The following RGMB variants were observed in gnomAD, a reference collection of about 807,000 sequenced individuals.
RGMB encodes the protein repulsive guidance molecule BMP co-receptor b, also known as repulsive guidance molecule B.
RGMB carries 16 observed loss-of-function variants against 26.9 expected under a neutral mutation model. The ratio of observed to expected loss-of-function variants is 0.60; its 90% confidence interval spans 0.40 to 0.90. RGMB has a LOEUF of 0.90. Ranked by LOEUF, RGMB falls within the 40% of genes least tolerant of loss-of-function variation. The pLI, the probability that RGMB is intolerant of heterozygous loss-of-function variation, is 0.00. For synonymous variants in RGMB, 225 were observed against 229.3 expected, an observed-to-expected ratio of 0.98 and a Z score of 0.17; for missense variants, 512 against 573.3, an observed-to-expected ratio of 0.89 and a Z score of 1.09.
rs1356065266 is a variant in RGMB at position 98,773,955 on chromosome 5, G to A, written c.-116G>A. The A allele has an allele frequency of 1.6e-6, 1 of 620,974 alleles. No homozygotes were observed. The highest frequency in any genetic ancestry group is 2.8e-5 in the Admixed American group (1 of 36,330). 38.5% of individuals were successfully genotyped at this position (620,974 alleles called of 1,614,324 possible). On this transcript the variant is annotated 5_prime_UTR_variant, in exon 1 of 3. Coordinates refer to ENST00000513185, the MANE Select transcript of RGMB (RefSeq NM_001366508.1). ...CCATCTGCTACACGGGCCTGAAGAA[G>A]GAAGAAGAGGAAGCGAAGCGCGCCC...
rs547693057 is a variant in RGMB, at chr5:98,774,170, C to T, written c.100C>T (p.Leu34=). 6.7e-7 allele frequency: 1 copy of T among 1,499,544 alleles called. No individual in the cohort carries two copies. The highest frequency in any genetic ancestry group is 8.8e-7 in the Non-Finnish European group (1 of 1,131,752). 92.9% of individuals were successfully genotyped at this position (1,499,544 alleles called of 1,614,324 possible). A position where few individuals can be genotyped will look rare whatever the true frequency, so the allele number is the denominator to read the frequency against. The change falls in exon 1 of 3, where the codon CTG becomes TTG. Residue 34 remains leucine (L), a synonymous_variant. Coordinates refer to ENST00000513185, the MANE Select transcript of RGMB (RefSeq NM_001366508.1). The part of the protein sequence containing the change: ...GLCPPPLELL[L]LLLFSLGLLH... ...CTGCCCCCCGCCGCTGGAGCTGCTGCTGCTGCTGCTGTTCAGCCTCGGGCT... is the reference window on the plus strand; with the variant it reads ...CTGCCCCCCGCCGCTGGAGCTGCTGTTGCTGCTGCTGTTCAGCCTCGGGCT...
rs960999489 is a variant in RGMB, at chr5:98,796,343, C to CCG, written c.*2591_*2592insGC. 7.1e-5 allele frequency: 10 copies of CCG among 141,726 alleles called. No homozygotes were observed. Among genetic ancestry groups the CCG allele is most frequent in the South Asian group, 4.6e-4 (2 of 4,310 alleles). 8.8% of individuals were successfully genotyped at this position (141,726 alleles called of 1,614,324 possible). On this transcript the variant is annotated 3_prime_UTR_variant, in exon 3 of 3. Coordinates refer to ENST00000513185, the MANE Select transcript of RGMB (RefSeq NM_001366508.1). ...TTTGTTATGCTTGGAAGCTCCCCCC[C>CCG]CCCCAACAGTGTGTCGAGTCTTTGC...
upstream of RGMB, among the ~76,000 whole-genome samples, chr5:98,772,432 T>C (rs1746196951): frequency 6.6e-6 from 1 of 152,228 alleles, no homozygotes; most frequent in Non-Finnish European, 1.5e-5. Flanking sequence ...AGCATGTCCG[T>C]GGTTGATAAG....
intron 1 of RGMB, among the ~76,000 whole-genome samples, chr5:98,777,323 G>C (rs1365662952): frequency 2.0e-5 from 3 of 152,178 alleles, no homozygotes; most frequent in African/African-American, 7.2e-5. Context: ...GGAAGTTCTT[G>C]TGCTGTCATT....
chr5:98,781,382 C>T (rs1435129688), intron 2 of RGMB, among the ~76,000 whole-genome samples: 1 of 152,198 alleles, frequency 6.6e-6, no homozygotes, highest in Non-Finnish European at 1.5e-5. Flanking sequence ...TACCAAATTC[C>T]ATATCTCAAA....
chr5:98,783,716 G>GC (rs1167256250), intron 2 of RGMB, among the ~76,000 whole-genome samples: 3 of 152,168 alleles, frequency 2.0e-5, no homozygotes, highest in Non-Finnish European at 4.4e-5. Context: ...GAAAGATTCT[G>GC]CACTTTGCAA....
chr5:98,774,194 C>T lies in RGMB; in HGVS notation c.124C>T (p.Leu42=). ...LLLLLLFSLG[L]LHAGDCQQPA... ...GCTGCTGCTGCTGTTCAGCCTCGGG[C>T]TGCTCCACGCAGGTAGGACGGGAGC... The change falls in exon 1 of 3, where the codon CTG becomes TTG. Residue 42 remains leucine, a synonymous_variant. Transcript: ENST00000513185. 1 of 1,482,668 alleles carries T rather than the reference C, an allele frequency of 6.7e-7. No individual in the cohort carries two copies. The highest frequency in any genetic ancestry group is 8.9e-7 in the Non-Finnish European group (1 of 1,124,784). The allele number at this position is 1,482,668 out of a possible 1,614,324, so 91.8% of individuals were successfully genotyped here. A position where few individuals can be genotyped will look rare whatever the true frequency, so the allele number is the denominator to read the frequency against.
chr5:98,773,542 A>C (rs1746249054), upstream of RGMB: 2 of 178,088 alleles, frequency 1.1e-5, no homozygotes, highest in East Asian at 1.5e-4. Flanking sequence ...ACGTGCGGTC[A>C]CAACCAATGG....
At position 98,774,704 on chromosome 5, in the gene RGMB, C is replaced by T. The variant is rs529572487; in HGVS notation, c.136+498C>T. On this transcript the variant is annotated intron_variant, in intron 1 of 2. Transcript: ENST00000513185. The stretch of plus-strand genomic sequence containing the variant: ...AAAGATTTTTACCAGATTTTGCAAA[C>T]CTGGGAGTTAATCTCGAAGTAACGT... 2.0e-5 allele frequency among the ~76,000 whole-genome samples: 3 copies of T among 152,294 alleles called. No homozygotes were observed. In the South Asian group the frequency reaches 6.2e-4, roughly 32 times the overall value.
upstream of RGMB, chr5:98,771,660 T>A (rs73151452): frequency 6.6e-6 from 1 of 152,214 alleles, no homozygotes; most frequent in Non-Finnish European, 1.5e-5. Flanking sequence ...AAGCACCTTA[T>A]AGAGATGAAG....
chr5:98,784,873 AGG>A (rs1319904591), intron 2 of RGMB, among the ~76,000 whole-genome samples: 1 of 152,166 alleles, frequency 6.6e-6, no homozygotes, highest in Non-Finnish European at 1.5e-5. Flanking sequence ...TGTTATAAAG[AGG>A]GGGACGCATG....
chr5:98,790,664 G>C (rs1194718371), intron 2 of RGMB, among the ~76,000 whole-genome samples: 1 of 152,122 alleles, frequency 6.6e-6, no homozygotes, highest in African/African-American at 2.4e-5. Context: ...TTGGAAACTT[G>C]TTTGGAATCG....
At chr5:98,775,833 A>G (rs537118375) in intron 1 of RGMB, among the ~76,000 whole-genome samples, 14 of 152,368 alleles carry the variant, frequency 9.2e-5, no homozygotes, top group African/African-American at 3.1e-4. Context: ...AGCGATTTCT[A>G]TGGACAACTT....
intron 2 of RGMB, among the ~76,000 whole-genome samples, chr5:98,784,309 C>A (rs1746703847): frequency 6.6e-6 from 1 of 152,170 alleles, no homozygotes; most frequent in South Asian, 2.1e-4. Flanking sequence ...CCATACTTAC[C>A]CCTGAATTTC....
chr5:98,784,978 T>G (rs1746728095), intron 2 of RGMB, among the ~76,000 whole-genome samples: 1 of 152,190 alleles, frequency 6.6e-6, no homozygotes, highest in South Asian at 2.1e-4. Context: ...TAATCTGAGA[T>G]CGCTCTTTAT....
chr5:98,789,368 T>C (rs1746855870), intron 2 of RGMB, among the ~76,000 whole-genome samples: 1 of 152,256 alleles, frequency 6.6e-6, no homozygotes, highest in East Asian at 1.9e-4. Context: ...AAAACCTGTT[T>C]GTGGCATTTT....
rs568798675 is a variant in RGMB, at chr5:98,793,604, C to T, written c.1165C>T (p.His389Tyr). Residue 389 changes from histidine to tyrosine, a missense_variant, in exon 3 of 3, where the codon CAC becomes TAC. Transcript: ENST00000513185. ...TGDANFTAAA[H>Y]SALEDVEALH... ...TGATGCCAACTTTACTGCCGCAGCC[C>T]ACAGTGCCTTGGAGGATGTGGAGGC... 33 of 1,613,994 alleles carry T rather than the reference C, an allele frequency of 2.0e-5. No homozygotes were observed. The South Asian group carries it at 3.3e-4, about 16-fold the overall frequency.
chr5:98,784,556 G>A (rs1379324589), intron 2 of RGMB, among the ~76,000 whole-genome samples: 2 of 152,206 alleles, frequency 1.3e-5, no homozygotes. Context: ...ATGTGGGCAT[G>A]TAAACCAGTG....
rs1014061908 is a variant in RGMB, at chr5:98,796,407, C to T, written c.*2654C>T. 1.4e-5 allele frequency: 2 copies of T among 143,082 alleles called. No individual in the cohort carries two copies. Among genetic ancestry groups the T allele is most frequent in the Non-Finnish European group, 3.0e-5 (2 of 66,224 alleles). 8.9% of individuals were successfully genotyped at this position (143,082 alleles called of 1,614,324 possible). A position where few individuals can be genotyped will look rare whatever the true frequency, so the allele number is the denominator to read the frequency against. On this transcript the variant is annotated 3_prime_UTR_variant, in exon 3 of 3. Coordinates refer to ENST00000513185, the MANE Select transcript of RGMB (RefSeq NM_001366508.1). Reference sequence around the variant, plus strand: ...GATGTGGTTCATAGATATATGAATACGTATCTGTGTAAAACAGTGAGTGTG... The same window carrying T: ...GATGTGGTTCATAGATATATGAATATGTATCTGTGTAAAACAGTGAGTGTG...
Sources: allele counts gnomAD v4.1 joint callset (sites outside exome capture counted in the v4.1 genomes callset), GRCh38; gene constraint gnomAD v4.1.1; transcripts MANE v1.5; gene names NCBI Gene and HGNC (gene_info 2026-07-23, HGNC 2026-07-21).